NETO1: variants seen among roughly 807,000 people sequenced by gnomAD.
The protein encoded by NETO1 is neuropilin and tolloid-like protein 1.
A neutral mutation model predicts 61.3 loss-of-function variants in NETO1; 26 were observed. The observed-to-expected ratio is 0.42, with a 90% confidence interval of 0.31 to 0.59. The LOEUF is 0.59. NETO1 is among the 20% of genes least tolerant of loss of function. The probability of loss-of-function intolerance (pLI) is 0.12; values close to 1 mark genes in which losing one functional copy is unlikely to be tolerated. For missense variants in NETO1, 531 were observed against 662.8 expected (o/e 0.80, Z 2.18); for synonymous variants, 225 against 225.8 (o/e 1.00, Z 0.03).
At chr18:72,799,736 C>T (rs1366130993) in intron 4 of NETO1, among the ~76,000 whole-genome samples, 1 of 152,250 alleles carries the variant, frequency 6.6e-6, no homozygotes. Flanking sequence ...CACATGTCTT[C>T]TCTTACACAC....
At chr18:72,782,096 G>A (rs77728179) in intron 7 of NETO1, among the ~76,000 whole-genome samples, 3,896 of 152,178 alleles carry the variant, frequency 0.026, 126 homozygotes, top group East Asian at 0.089. Flanking sequence ...GAGAACGTGC[G>A]GTATTTGATT....
At chr18:72,834,031 T>C (rs1051104604) in intron 4 of NETO1, 1 of 749,774 alleles carries the variant, frequency 1.3e-6, no homozygotes. Flanking sequence ...GAGACAGATA[T>C]ATTTTCATTT....
chr18:72,848,192 T>C (rs928485822), intron 4 of NETO1, among the ~76,000 whole-genome samples: 5 of 152,162 alleles, frequency 3.3e-5, no homozygotes, highest in Non-Finnish European at 5.9e-5. Context: ...TAACATAACA[T>C]ATTCACAGGC....
intron 4 of NETO1, among the ~76,000 whole-genome samples, chr18:72,798,912 T>C (rs2170877): frequency 0.39 from 58,974 of 152,008 alleles, 11,958 homozygotes; most frequent in East Asian, 0.57. Flanking sequence ...TCCAAGGAAG[T>C]CATGAAACCA....
chr18:72,826,332 T>C (rs2073372531), intron 4 of NETO1, among the ~76,000 whole-genome samples: 1 of 152,168 alleles, frequency 6.6e-6, no homozygotes, highest in Non-Finnish European at 1.5e-5. Context: ...ACACTTATCT[T>C]TTCATATTTA....
intron 7 of NETO1, among the ~76,000 whole-genome samples, chr18:72,776,879 T>A (rs12607733): frequency 4.6e-5 from 7 of 152,008 alleles, no homozygotes; most frequent in African/African-American, 1.7e-4. Context: ...GCCCTAAAAG[T>A]CTTAACTTGT....
At chr18:72,827,076 A>G (rs12961901) in intron 4 of NETO1, among the ~76,000 whole-genome samples, 50,128 of 142,752 alleles carry the variant, frequency 0.35, 10,152 homozygotes, top group Admixed American at 0.45. Context: ...CCGCCCAGCC[A>G]TATTCAATGC....
At chr18:72,850,837 G>A (rs2074226130) in intron 4 of NETO1, among the ~76,000 whole-genome samples, 2 of 152,094 alleles carry the variant, frequency 1.3e-5, no homozygotes, top group Non-Finnish European at 2.9e-5. Flanking sequence ...GATGGGATTC[G>A]ACATAGAGGT....
intron 4 of NETO1, among the ~76,000 whole-genome samples, chr18:72,816,518 G>A (rs751642152): frequency 1.3e-5 from 2 of 152,166 alleles, no homozygotes; most frequent in Non-Finnish European, 2.9e-5. Context: ...GGCCATTTGG[G>A]AGCGGGGGAA....
Position 72,849,961 on chromosome 18 carries a change from C to A in NETO1, c.469+8865G>T, listed in dbSNP as rs550755818. On this transcript the variant is annotated intron_variant, in intron 4 of 10. Transcript: ENST00000327305. ...CACCCGATCCTGACCCTACTGCCTC[C>A]TTCGTTACATACTGAGAAAGCCTTG... is the stretch of plus-strand genomic sequence containing the variant. Among the ~76,000 whole-genome samples, 5 of 152,348 alleles carry A rather than the reference C, an allele frequency of 3.3e-5. No individual in the cohort carries two copies. In the South Asian group the frequency reaches 1.0e-3, roughly 32 times the overall value.
intron 1 of NETO1, chr18:72,866,661 C>G: frequency 2.1e-6 from 2 of 952,744 alleles, no homozygotes; most frequent in Non-Finnish European, 2.5e-6. Context: ...CACACATTTT[C>G]TTATACTGCC....
chr18:72,746,576 T>C lies in NETO1; in HGVS notation c.*1603A>G, dbSNP rs1489955561. On this transcript the variant is annotated 3_prime_UTR_variant, in exon 11 of 11. Coordinates refer to ENST00000327305, the MANE Select transcript of NETO1 (RefSeq NM_138966.5). The stretch of plus-strand genomic sequence containing the variant: ...ACTTTTCTATTATAAAAATTTATTT[T>C]CTATTTGCTTATTTTTTAACATATA... Among the ~76,000 whole-genome samples, 2 of 152,024 alleles carry C rather than the reference T, an allele frequency of 1.3e-5. No homozygotes were observed. Among genetic ancestry groups the C allele is most frequent in the Non-Finnish European group, 2.9e-5 (2 of 67,962 alleles).
chr18:72,810,876 T>G (rs8096413), intron 4 of NETO1, among the ~76,000 whole-genome samples: 3 of 152,096 alleles, frequency 2.0e-5, no homozygotes, highest in Admixed American at 6.5e-5. Context: ...GAATGGGTTT[T>G]TCTTATTTAG....
At chr18:72,862,637 T>TC (rs1246556354) in intron 3 of NETO1, among the ~76,000 whole-genome samples, 1 of 150,316 alleles carries the variant, frequency 6.7e-6, no homozygotes, top group Non-Finnish European at 1.5e-5. Flanking sequence ...TTTTTTTTTT[T>TC]TGAGACAGAG....
chr18:72,818,571 C>T (rs571243881), intron 4 of NETO1, among the ~76,000 whole-genome samples: 9 of 152,252 alleles, frequency 5.9e-5, no homozygotes, highest in Middle Eastern at 3.4e-3. Flanking sequence ...ACCATTTTCA[C>T]GACTATTCTT....
intron 4 of NETO1, among the ~76,000 whole-genome samples, chr18:72,835,755 T>G (rs1014058869): frequency 6.6e-6 from 1 of 152,194 alleles, no homozygotes; most frequent in African/African-American, 2.4e-5. Context: ...CTGCAGTAAC[T>G]GTAGAAATAA....
At chr18:72,802,496 T>G (rs1011641545) in intron 4 of NETO1, among the ~76,000 whole-genome samples, 2 of 152,252 alleles carry the variant, frequency 1.3e-5, no homozygotes, top group African/African-American at 2.4e-5. Flanking sequence ...TGTACAAACT[T>G]GGCTGGGCTT....
chr18:72,811,782 G>A (rs2145208785), intron 4 of NETO1, among the ~76,000 whole-genome samples: 1 of 152,254 alleles, frequency 6.6e-6, no homozygotes, highest in East Asian at 1.9e-4. Context: ...TCCAGCCTGG[G>A]TGACAGAGTG....
At chr18:72,816,109 C>T (rs2073025957) in intron 4 of NETO1, among the ~76,000 whole-genome samples, 1 of 151,896 alleles carries the variant, frequency 6.6e-6, no homozygotes, top group Admixed American at 6.6e-5. Context: ...TCCACCCCTC[C>T]CCCTGCAATT....
Sources: allele counts gnomAD v4.1 joint callset (sites outside exome capture counted in the v4.1 genomes callset), GRCh38; gene constraint gnomAD v4.1.1; transcripts MANE v1.5; gene names NCBI Gene and HGNC (gene_info 2026-07-23, HGNC 2026-07-21).